The following CDC42SE2 variants were observed in gnomAD, a reference collection of about 807,000 sequenced individuals.
CDC42SE2 encodes the protein CDC42 small effector 2, also known as CDC42 small effector protein 2.
CDC42SE2 carries 3 observed loss-of-function variants against 11.5 expected under a neutral mutation model. That is an observed-to-expected ratio of 0.26 (90% CI 0.12 to 0.67). The LOEUF is 0.67. Among genes scored for constraint, CDC42SE2 ranks in the 30% least tolerant of loss-of-function variants. The pLI is 0.80. For synonymous variants in CDC42SE2, 33 were observed against 34.8 expected, an observed-to-expected ratio of 0.95 and a Z score of 0.18; for missense variants, 82 against 106.8, an observed-to-expected ratio of 0.77 and a Z score of 1.02.
intron 2 of CDC42SE2, among the ~76,000 whole-genome samples, chr5:131,325,291 C>T (rs1350600945): frequency 6.6e-6 from 1 of 152,160 alleles, no homozygotes; most frequent in Non-Finnish European, 1.5e-5. Flanking sequence ...AGTGTGTATG[C>T]AGTTGCTAGT....
At chr5:131,286,295 T>C (rs796946220) in intron 1 of CDC42SE2, among the ~76,000 whole-genome samples, 127 of 151,706 alleles carry the variant, frequency 8.4e-4, no homozygotes, top group African/African-American at 2.9e-3. Context: ...TATTGCCCAG[T>C]CTGGTCTTGA....
rs560082544 is a variant in CDC42SE2 at position 131,295,828 on chromosome 5, G to A, written c.-454-20148G>A. ...CTCCCAAGTAGCTGGGACTACAGGCGCCCGCCACCGTGCCCGGCTAAGTTT... is the reference window on the plus strand; with the variant it reads ...CTCCCAAGTAGCTGGGACTACAGGCACCCGCCACCGTGCCCGGCTAAGTTT... On this transcript the variant is annotated intron_variant, in intron 1 of 4. Coordinates refer to ENST00000505065, the MANE Select transcript of CDC42SE2 (RefSeq NM_001375635.1). Among the ~76,000 whole-genome samples, 621 of 152,008 alleles carry A rather than the reference G, an allele frequency of 4.1e-3. 2 individuals carry two copies. Among genetic ancestry groups the A allele is most frequent in the African/African-American group, 0.013 (537 of 41,454 alleles).
chr5:131,344,209 T>A (rs998389892), intron 2 of CDC42SE2, among the ~76,000 whole-genome samples: 37 of 152,134 alleles, frequency 2.4e-4, no homozygotes, highest in Non-Finnish European at 3.8e-4. Context: ...GGGCATCGCC[T>A]CACCTGGGAA....
intron 4 of CDC42SE2, 145 bp from the exon 5 acceptor site, chr5:131,390,848 T>C: frequency 2.4e-6 from 1 of 424,806 alleles, no homozygotes; most frequent in Non-Finnish European, 4.3e-6. Flanking sequence ...TAGAAAATTG[T>C]TTGTCTATAA....
chr5:131,300,305 AAG>A (rs2149715436), intron 1 of CDC42SE2, among the ~76,000 whole-genome samples: 1 of 152,286 alleles, frequency 6.6e-6, no homozygotes, highest in South Asian at 2.1e-4. Flanking sequence ...AAGTGAGAGC[AAG>A]AGAGAGGTTG....
intron 1 of CDC42SE2, among the ~76,000 whole-genome samples, chr5:131,301,104 A>G (rs1757669585): frequency 6.6e-6 from 1 of 152,180 alleles, no homozygotes. Context: ...AAATACACAT[A>G]AACTCTTAAA....
chr5:131,383,850 C>G (rs1424748461), intron 3 of CDC42SE2, among the ~76,000 whole-genome samples: 1 of 152,162 alleles, frequency 6.6e-6, no homozygotes, highest in Non-Finnish European at 1.5e-5. Flanking sequence ...TATTTACTAT[C>G]TAGCTTGGAC....
At chr5:131,329,011 A>G (rs1758355805) in intron 2 of CDC42SE2, among the ~76,000 whole-genome samples, 1 of 152,190 alleles carries the variant, frequency 6.6e-6, no homozygotes, top group Non-Finnish European at 1.5e-5. Context: ...TGCCCCTTGT[A>G]CAAGGTGGGG....
the CDC42SE2 span, among the ~76,000 whole-genome samples, chr5:131,230,977 A>G: frequency 2.6e-5 from 4 of 152,310 alleles, no homozygotes; most frequent in Admixed American, 2.6e-4. Flanking sequence ...ACATGTATGT[A>G]TATGTTTTCT....
chr5:131,370,855 A>G (rs1749996794), intron 3 of CDC42SE2, among the ~76,000 whole-genome samples: 1 of 152,184 alleles, frequency 6.6e-6, no homozygotes, highest in Non-Finnish European at 1.5e-5. Flanking sequence ...AGACACAACA[A>G]GAATGAAGAG....
chr5:131,335,731 T>C (rs1248616938), intron 2 of CDC42SE2, among the ~76,000 whole-genome samples: 2 of 152,218 alleles, frequency 1.3e-5, no homozygotes, highest in Admixed American at 6.5e-5. Context: ...AATGACCTTC[T>C]TTGTCTCTTT....
At chr5:131,216,453 G>A in the CDC42SE2 span, among the ~76,000 whole-genome samples, 3 of 145,978 alleles carry the variant, frequency 2.1e-5, no homozygotes, top group Non-Finnish European at 4.4e-5. Context: ...AATGAGCTGT[G>A]GTCACACCAC....
chr5:131,297,649 G>A (rs1757598714), intron 1 of CDC42SE2, among the ~76,000 whole-genome samples: 1 of 152,088 alleles, frequency 6.6e-6, no homozygotes, highest in Non-Finnish European at 1.5e-5. Context: ...GAACCCGGGA[G>A]GCGGAGCTTG....
chr5:131,307,103 A>G (rs1757794778), intron 1 of CDC42SE2, among the ~76,000 whole-genome samples: 1 of 151,656 alleles, frequency 6.6e-6, no homozygotes, highest in Non-Finnish European at 1.5e-5. Flanking sequence ...TTTAGGGTAC[A>G]TGTGCACATT....
intron 1 of CDC42SE2, among the ~76,000 whole-genome samples, chr5:131,254,432 C>T (rs932752518): frequency 2.0e-5 from 3 of 151,974 alleles, no homozygotes; most frequent in Middle Eastern, 3.4e-3. Flanking sequence ...ATCCCAGCCA[C>T]TCGGGAGGCT....
In CDC42SE2 at chr5:131,257,948, C is replaced by A. The variant is rs1264797019; in HGVS notation, n.242+2719C>A. On this transcript the variant is annotated intron_variant and non_coding_transcript_variant, in intron 2 of 3. Transcript: ENST00000502840. ...CTGGTGCTAGTTCTGCTCGTTCTTC[C>A]GTGCTAAGGGGCTTCCTCAAGATAC... is the stretch of plus-strand genomic sequence containing the variant. Among the ~76,000 whole-genome samples, 4 of 152,244 alleles carry A rather than the reference C, an allele frequency of 2.6e-5. No individual in the cohort carries two copies. The South Asian group carries it at 8.3e-4, about 32-fold the overall frequency.
Position 131,319,349 on chromosome 5 carries a change from C to T in CDC42SE2, c.-286+3205C>T, listed in dbSNP as rs1468581327. ...CTGCAGTTGTTTTCTTACCCTAGGG[C>T]CATAGAAAGTAGTTTGGAGTATAGT... On this transcript the variant is annotated intron_variant, in intron 2 of 4. Coordinates refer to ENST00000505065, the MANE Select transcript of CDC42SE2 (RefSeq NM_001375635.1). Among the ~76,000 whole-genome samples, 5 of 152,204 alleles carry T rather than the reference C, an allele frequency of 3.3e-5. No individual in the cohort carries two copies. The South Asian group carries it at 6.2e-4, about 19-fold the overall frequency.
At chr5:131,378,814 T>C (rs1248873973) in intron 3 of CDC42SE2, among the ~76,000 whole-genome samples, 1 of 151,754 alleles carries the variant, frequency 6.6e-6, no homozygotes, top group African/African-American at 2.4e-5. Flanking sequence ...TTTTGCATAG[T>C]GCTTGGGTTT....
At position 131,370,266 on chromosome 5, in the gene CDC42SE2, G is replaced by A. The variant is rs577975685; in HGVS notation, c.54+10719G>A. Reference sequence around the variant, plus strand: ...TAAAGGAAAAGAAAAGAAACTCAGCGAAAAAATTTATGAACAAAAGAGAAA... The same window carrying A: ...TAAAGGAAAAGAAAAGAAACTCAGCAAAAAAATTTATGAACAAAAGAGAAA... On this transcript the variant is annotated intron_variant, in intron 3 of 4. Transcript: ENST00000505065. Among the ~76,000 whole-genome samples the A allele has an allele frequency of 4.5e-4, 69 of 151,950 alleles. 1 individual carries two copies. In the South Asian group the frequency reaches 0.014, roughly 30 times the overall value.
Sources: gnomAD v4.1 joint callset for allele counts (sites outside exome capture counted in the v4.1 genomes callset) on GRCh38, gnomAD v4.1.1 for gene constraint, MANE v1.5 for transcripts, NCBI Gene and HGNC (gene_info 2026-07-23, HGNC 2026-07-21) for gene names.